Variants in ZYG11B observed in about 807,000 individuals in gnomAD.
ZYG11B encodes protein zyg-11 homolog B.
A neutral mutation model predicts 82.4 loss-of-function variants in ZYG11B; 36 were observed. The observed-to-expected ratio is 0.44, with a 90% CI of 0.33 to 0.58. The LOEUF (loss-of-function observed/expected upper bound fraction) is 0.58. ZYG11B is among the 20% of genes least tolerant of loss of function. ZYG11B has a pLI of 0.02. For synonymous variants in ZYG11B, 303 were observed against 312.8 expected, an observed-to-expected ratio of 0.97 and a Z score of 0.33; for missense variants, 552 against 895.6, an observed-to-expected ratio of 0.62 and a Z score of 4.90.
intron 8 of ZYG11B, among the ~76,000 whole-genome samples, chr1:52,799,730 G>A (rs955085903): frequency 6.6e-6 from 1 of 152,000 alleles, no homozygotes; most frequent in Non-Finnish European, 1.5e-5. Flanking sequence ...GGAAGGTGGA[G>A]GTTGCAGTGA....
intron 3 of ZYG11B, among the ~76,000 whole-genome samples, chr1:52,772,918 C>G (rs1362741349): frequency 6.6e-6 from 1 of 151,968 alleles, no homozygotes; most frequent in African/African-American, 2.4e-5. Flanking sequence ...ACCTCGTAAT[C>G]TGCCCGCCTC....
intron 1 of ZYG11B, among the ~76,000 whole-genome samples, chr1:52,736,290 T>C (rs1644377970): frequency 6.6e-6 from 1 of 151,552 alleles, no homozygotes; most frequent in Non-Finnish European, 1.5e-5. Flanking sequence ...TTTATTTATT[T>C]ATTTATTGAG....
At chr1:52,790,483 C>A (rs971420792) in intron 6 of ZYG11B, among the ~76,000 whole-genome samples, 2 of 152,022 alleles carry the variant, frequency 1.3e-5, no homozygotes, top group Non-Finnish European at 2.9e-5. Context: ...ATAATCCCAG[C>A]GCTTTAGGAG....
At position 52,822,328 on chromosome 1, in the gene ZYG11B, A is replaced by T. The variant is rs910910410; in HGVS notation, c.*699A>T. On this transcript the variant is annotated 3_prime_UTR_variant, in exon 14 of 14. Transcript: ENST00000294353. ...GCTTGTCCTCCATATTTATACCTAGAAGTGTGGACTGCTGGTTCCTGCACA... is the reference window on the plus strand; with the variant it reads ...GCTTGTCCTCCATATTTATACCTAGTAGTGTGGACTGCTGGTTCCTGCACA... 6.6e-6 allele frequency: 1 copy of T among 152,254 alleles called. No homozygotes were observed. Among genetic ancestry groups the T allele is most frequent in the African/African-American group, 2.4e-5 (1 of 41,464 alleles). The allele number at this position is 152,254 out of a possible 1,614,324, so 9.4% of individuals were successfully genotyped here. A position where few individuals can be genotyped will look rare whatever the true frequency, so the allele number is the denominator to read the frequency against.
At chr1:52,791,536 T>G (rs1644959915) in intron 6 of ZYG11B, among the ~76,000 whole-genome samples, 1 of 151,744 alleles carries the variant, frequency 6.6e-6, no homozygotes, top group South Asian at 2.1e-4. Flanking sequence ...ACCCGGCTAA[T>G]TTTTGTATTT....
At chr1:52,816,062 T>A (rs949546917) in intron 12 of ZYG11B, among the ~76,000 whole-genome samples, 1 of 152,076 alleles carries the variant, frequency 6.6e-6, no homozygotes, top group Admixed American at 6.6e-5. Flanking sequence ...ATTCAACTTA[T>A]TTTTTTTGTT....
At chr1:52,778,770 C>T (rs936701583) in intron 3 of ZYG11B, among the ~76,000 whole-genome samples, 7 of 152,138 alleles carry the variant, frequency 4.6e-5, no homozygotes, top group Admixed American at 3.9e-4. Context: ...TTAAGATAAG[C>T]GTATTATCTT....
intron 1 of ZYG11B, among the ~76,000 whole-genome samples, chr1:52,747,304 TG>T (rs1644485300): frequency 2.1e-5 from 2 of 95,828 alleles, no homozygotes; most frequent in African/African-American, 1.5e-4. Context: ...TTTTCACTTT[TG>T]ATTTTTTTTT....
chr1:52,775,191 TA>T (rs1644793937), intron 3 of ZYG11B, among the ~76,000 whole-genome samples: 3 of 152,154 alleles, frequency 2.0e-5, no homozygotes, highest in Non-Finnish European at 1.5e-5. Context: ...CCTCAGTCCT[TA>T]AATCTATATG....
rs145574522 is a variant in ZYG11B at position 52,825,449 on chromosome 1, C to T, written c.*3820C>T. On this transcript the variant is annotated 3_prime_UTR_variant, in exon 14 of 14. Transcript: ENST00000294353. The stretch of plus-strand genomic sequence containing the variant: ...TAATGCCTTATAGTGGCACTAGTCA[C>T]CTTAAGTAGATTACACATGGTTGAG... 1 of 152,054 alleles carries T rather than the reference C, an allele frequency of 6.6e-6. No homozygotes were observed. Among genetic ancestry groups the T allele is most frequent in the East Asian group, 1.9e-4 (1 of 5,168 alleles). 9.4% of individuals were successfully genotyped at this position (152,054 alleles called of 1,614,324 possible).
intron 5 of ZYG11B, 66 bp from the exon 6 acceptor site, chr1:52,789,937 T>A: frequency 5.4e-6 from 6 of 1,104,202 alleles, no homozygotes; most frequent in Non-Finnish European, 6.4e-6. Flanking sequence ...TTATGGAAGC[T>A]ACCATGGTTA....
intron 3 of ZYG11B, 127 bp from the exon 4 acceptor site, chr1:52,779,726 A>G (rs1571772734): frequency 1.8e-6 from 2 of 1,132,132 alleles, no homozygotes; most frequent in East Asian, 5.1e-5. Context: ...CTGACTTCAC[A>G]TGATCCACCC....
chr1:52,776,533 C>CA (rs139862670), intron 3 of ZYG11B, among the ~76,000 whole-genome samples: 19,113 of 91,830 alleles, frequency 0.21, 2,507 homozygotes, highest in East Asian at 0.57. Flanking sequence ...GACTGTGTCT[C>CA]AAAAAAAAAA....
At position 52,726,617 on chromosome 1, in the gene ZYG11B, C is replaced by T. The variant is rs1345720861; in HGVS notation, c.-37C>T. On this transcript the variant is annotated 5_prime_UTR_variant, in exon 1 of 14. Transcript: ENST00000294353. ...GCCGGCTCAGCCTGGGGGCGGGCTC[C>T]GGTCCGGCCCGCCGCCGCACCCAGG... The T allele has an allele frequency of 2.1e-6, 3 of 1,413,592 alleles. No homozygotes were observed. Among genetic ancestry groups the T allele is most frequent in the Non-Finnish European group, 1.8e-6 (2 of 1,090,144 alleles). 87.6% of individuals were successfully genotyped at this position (1,413,592 alleles called of 1,614,324 possible).
chr1:52,766,259 T>C (rs1644689160), intron 2 of ZYG11B, among the ~76,000 whole-genome samples: 1 of 151,994 alleles, frequency 6.6e-6, no homozygotes, highest in Non-Finnish European at 1.5e-5. Flanking sequence ...TAGCTGGGAC[T>C]ACAGGCGTGT....
chr1:52,791,911 ACTC>A (rs1471956161), intron 6 of ZYG11B, among the ~76,000 whole-genome samples: 1 of 152,038 alleles, frequency 6.6e-6, no homozygotes, highest in Non-Finnish European at 1.5e-5. Context: ...ATTATATTCT[ACTC>A]CTTAATATTT....
At chr1:52,800,575 G>A (rs1380561026) in intron 8 of ZYG11B, among the ~76,000 whole-genome samples, 3 of 151,998 alleles carry the variant, frequency 2.0e-5, no homozygotes, top group African/African-American at 4.8e-5. Flanking sequence ...TTGGGAGGCC[G>A]GGGTGGGTGG....
At chr1:52,794,061 G>A (rs1018190286) in intron 6 of ZYG11B, among the ~76,000 whole-genome samples, 28 of 151,748 alleles carry the variant, frequency 1.8e-4, no homozygotes, top group African/African-American at 6.8e-4. Context: ...TGCAGCCTCT[G>A]CCTCCCGGGT....
At chr1:52,792,243 A>G (rs1430324381) in intron 6 of ZYG11B, among the ~76,000 whole-genome samples, 1 of 152,202 alleles carries the variant, frequency 6.6e-6, no homozygotes, top group East Asian at 1.9e-4. Flanking sequence ...GAATGAATGA[A>G]TGAATGAATA....
Sources: allele counts gnomAD v4.1 joint callset (sites outside exome capture counted in the v4.1 genomes callset), GRCh38; gene constraint gnomAD v4.1.1; transcripts MANE v1.5; gene names NCBI Gene and HGNC (gene_info 2026-07-23, HGNC 2026-07-21).